MISP: variants seen among roughly 807,000 people sequenced by gnomAD.
MISP encodes the protein mitotic interactor and substrate of PLK1.
In MISP, 51 loss-of-function variants were observed where a neutral mutation model predicts 49.3. The observed-to-expected ratio is 1.03, with a 90% CI of 0.83 to 1.31. The LOEUF is 1.31. MISP is among the 50% of genes most tolerant of loss of function. MISP has a pLI of 0.00. For missense variants in MISP, 1,084 were observed against 935.1 expected (o/e 1.16, Z -2.08); for synonymous variants, 444 against 392.6 (o/e 1.13, Z -1.55).
rs765853141 is a variant in MISP, at chr19:757,660, C to T, written c.714C>T (p.His238=). 129 of 1,613,352 alleles carry T rather than the reference C, an allele frequency of 8.0e-5. No individual in the cohort carries two copies. Among genetic ancestry groups the T allele is most frequent in the Non-Finnish European group, 9.6e-5 (113 of 1,179,834 alleles). The part of the protein sequence containing the change: ...SQAPKAFNKP[H]LANGHVVPIK... ...CCCCCAAGGCCTTCAACAAGCCCCA[C>T]CTGGCCAACGGGCACGTGGTTCCCA... is the stretch of plus-strand genomic sequence containing the variant. Residue 238 remains histidine, a synonymous_variant, in exon 2 of 5, where the codon CAC becomes CAT. Coordinates refer to ENST00000215582, the MANE Select transcript of MISP (RefSeq NM_173481.4).
intron 3 of MISP, among the ~76,000 whole-genome samples, chr19:761,358 C>G (rs1273023493): frequency 6.6e-6 from 1 of 151,232 alleles, no homozygotes; most frequent in Non-Finnish European, 1.5e-5. Flanking sequence ...GACTCAGACC[C>G]AATATAAATA....
intron 2 of MISP, among the ~76,000 whole-genome samples, chr19:759,142 G>A (rs1182433210): frequency 6.6e-6 from 1 of 151,952 alleles, no homozygotes; most frequent in Non-Finnish European, 1.5e-5. Flanking sequence ...TCCTGCCTCA[G>A]CCTCCTGAGT....
At chr19:755,022 CCTGGTTTGGGGTGGAAGAGGAGGGT>C (rs2033526506) in intron 1 of MISP, among the ~76,000 whole-genome samples, 3 of 142,976 alleles carry the variant, frequency 2.1e-5, no homozygotes, top group African/African-American at 2.7e-5. Context: ...AAGAGGAGGG[CCTGGTTTGGGGTGGAAGAGGAGGGT>C]CTGGTTTGGG....
Position 757,215 on chromosome 19 carries a change from A to G in MISP, c.269A>G (p.Glu90Gly). 3 of 1,613,692 alleles carry G rather than the reference A, an allele frequency of 1.9e-6. No homozygotes were observed. Among genetic ancestry groups the G allele is most frequent in the Non-Finnish European group, 2.5e-6 (3 of 1,179,978 alleles). The change falls in exon 2 of 5, where the codon GAG (glutamate) becomes GGG (glycine). Residue 90 changes from glutamate to glycine, a missense_variant. Transcript: ENST00000215582. ...RGLHSENRED[E>G]GWQVYRLGAR... ...CTCCACTCGGAGAACAGGGAGGATG[A>G]GGGTTGGCAGGTTTACCGCCTGGGC...
At chr19:753,479 G>A (rs1312162603) in intron 1 of MISP, among the ~76,000 whole-genome samples, 3 of 146,706 alleles carry the variant, frequency 2.0e-5, no homozygotes, top group South Asian at 2.2e-4. Flanking sequence ...TCCACCTCCC[G>A]GGTTCACAGC....
At chr19:758,765 G>A in intron 2 of MISP, 39 bp downstream of exon 2, 1 of 1,567,108 alleles carries the variant, frequency 6.4e-7, no homozygotes, top group Non-Finnish European at 8.7e-7. Context: ...TTGGCTCAGG[G>A]TCTCAGAGGT....
In MISP at chr19:757,211, G is replaced by T. The variant is rs746986248; in HGVS notation, c.265G>T (p.Asp89Tyr). ...GGGGCTCCACTCGGAGAACAGGGAG[G>T]ATGAGGGTTGGCAGGTTTACCGCCT... ...PRGLHSENREDEGWQVYRLGA... is the reference protein window; with the variant it reads ...PRGLHSENREYEGWQVYRLGA... Residue 89 changes from aspartate (D) to tyrosine (Y), a missense_variant, in exon 2 of 5, where the codon GAT becomes TAT. By Grantham distance (160) the Asp-to-Tyr change is radical. Coordinates refer to ENST00000215582, the MANE Select transcript of MISP (RefSeq NM_173481.4). 1.2e-6 allele frequency: 2 copies of T among 1,613,728 alleles called. No individual in the cohort carries two copies. Among genetic ancestry groups the T allele is most frequent in the Admixed American group, 3.3e-5 (2 of 60,034 alleles).
Position 758,363 on chromosome 19 carries a change from T to C in MISP, c.1417T>C (p.Ser473Pro), listed in dbSNP as rs1177773338. 2 of 1,614,108 alleles carry C rather than the reference T, an allele frequency of 1.2e-6. No homozygotes were observed. Among genetic ancestry groups the C allele is most frequent in the Non-Finnish European group, 8.5e-7 (1 of 1,180,002 alleles). The change falls in exon 2 of 5, where the codon TCC becomes CCC. Residue 473 changes from serine (S) to proline (P), a missense_variant. Transcript: ENST00000215582. ...ATMSPRHLSE[S>P]SGKPLSTKQE... ...GATGTCCCCGAGGCATCTCTCAGAA[T>C]CCTCTGGAAAACCCCTGAGCACAAA...
In MISP at chr19:757,790, G is replaced by A. The variant is rs201734928; in HGVS notation, c.844G>A (p.Val282Met). 3 of 1,612,682 alleles carry A rather than the reference G, an allele frequency of 1.9e-6. No individual in the cohort carries two copies. The highest frequency in any genetic ancestry group is 2.7e-5 in the African/African-American group (2 of 75,038). ...VVDDPGSLASVESPGTPKETP... is the reference protein window; with the variant it reads ...VVDDPGSLASMESPGTPKETP... ...GGATGACCCTGGCTCCTTGGCCTCA[G>A]TGGAGTCCCCGGGGACCCCCAAGGA... is the stretch of plus-strand genomic sequence containing the variant. The change falls in exon 2 of 5, where the codon GTG becomes ATG. Residue 282 changes from valine to methionine, a missense_variant. By Grantham distance (21) the Val-to-Met change is conservative (BLOSUM62 1). Coordinates refer to ENST00000215582, the MANE Select transcript of MISP (RefSeq NM_173481.4).
intron 1 of MISP, among the ~76,000 whole-genome samples, chr19:753,803 G>A: frequency 6.6e-6 from 1 of 151,366 alleles, no homozygotes; most frequent in East Asian, 2.0e-4. Flanking sequence ...TTGAGACAGG[G>A]TCTTTCTCTG....
chr19:760,151 C>T, intron 3 of MISP, 112 bp downstream of exon 3: 1 of 1,246,896 alleles, frequency 8.0e-7, no homozygotes, highest in Non-Finnish European at 1.1e-6. Context: ...AGCACTACCC[C>T]CACCCCTGGC....
rs1336320837 is a variant in MISP at position 763,553 on chromosome 19, G to T, written c.2003G>T (p.Trp668Leu). The change falls in exon 5 of 5, where the codon TGG becomes TTG. Residue 668 changes from tryptophan to leucine, a missense_variant. Transcript: ENST00000215582. ...TRHKNAMAERWESRIYASEED... is the reference protein window; with the variant it reads ...TRHKNAMAERLESRIYASEED... Reference sequence around the variant, plus strand: ...CACAAGAACGCCATGGCAGAGCGCTGGGAATCCCGCATCTACGCCAGTGAG... The same window carrying T: ...CACAAGAACGCCATGGCAGAGCGCTTGGAATCCCGCATCTACGCCAGTGAG... 4 of 1,614,064 alleles carry T rather than the reference G, an allele frequency of 2.5e-6. No homozygotes were observed.
chr19:755,901 C>T (rs1378235361), intron 1 of MISP, among the ~76,000 whole-genome samples: 1 of 151,600 alleles, frequency 6.6e-6, no homozygotes, highest in Non-Finnish European at 1.5e-5. Flanking sequence ...CCACTGCACT[C>T]CAGGCTGGGC....
At chr19:760,243 C>T (rs1384935282) in intron 3 of MISP, among the ~76,000 whole-genome samples, 1 of 151,742 alleles carries the variant, frequency 6.6e-6, no homozygotes, top group Non-Finnish European at 1.5e-5. Flanking sequence ...CTTGGAGAGG[C>T]CATATAAGCT....
intron 1 of MISP, among the ~76,000 whole-genome samples, chr19:752,892 G>T (rs528732914): frequency 4.5e-4 from 69 of 152,352 alleles, no homozygotes; most frequent in African/African-American, 1.6e-3. Context: ...GGGCCAGAAG[G>T]CACGGTGGAG....
At chr19:760,066 G>C (rs376144112) in intron 3 of MISP, 27 bp downstream of exon 3, 2 of 1,612,716 alleles carry the variant, frequency 1.2e-6, no homozygotes. Context: ...TCTCTGCAGA[G>C]GCCAGGCTGA....
At chr19:760,269 A>T in intron 3 of MISP, 1 of 467,136 alleles carries the variant, frequency 2.1e-6, no homozygotes, top group Non-Finnish European at 3.8e-6. Flanking sequence ...CTTTGTCCCC[A>T]TCAGGAGGTC....
chr19:757,320 G>T lies in MISP; in HGVS notation c.374G>T (p.Arg125Leu), dbSNP rs151208927. 6.8e-6 allele frequency: 11 copies of T among 1,613,888 alleles called. No individual in the cohort carries two copies. In the Admixed American group the frequency reaches 1.2e-4, roughly 17 times the overall value. The change falls in exon 2 of 5, where the codon CGC becomes CTC. Residue 125 changes from arginine to leucine, a missense_variant. Arg to Leu is a moderately radical substitution (Grantham distance 102, BLOSUM62 -2). Coordinates refer to ENST00000215582, the MANE Select transcript of MISP (RefSeq NM_173481.4). ...GAGGACAAGGAGATGAAGACCTACC[G>T]CCTGGATGCTGGGGACGCTGACCCC... ...DGEDKEMKTYRLDAGDADPRR... is the reference protein window; with the variant it reads ...DGEDKEMKTYLLDAGDADPRR...
chr19:748,670 A>C (rs1475067179), upstream of MISP, among the ~76,000 whole-genome samples: 7 of 152,180 alleles, frequency 4.6e-5, no homozygotes, highest in Non-Finnish European at 1.0e-4. Flanking sequence ...GGACACCCAC[A>C]AGCTCTGTAG....
Sources: allele counts gnomAD v4.1 joint callset (sites outside exome capture counted in the v4.1 genomes callset), GRCh38; gene constraint gnomAD v4.1.1; transcripts MANE v1.5; gene names NCBI Gene and HGNC (gene_info 2026-07-23, HGNC 2026-07-21).